ZNF407: variants seen among roughly 807,000 people sequenced by gnomAD.
ZNF407 encodes zinc finger protein 407.
In ZNF407, 17 loss-of-function variants were observed where a neutral mutation model predicts 131.2. The observed-to-expected ratio is 0.13, with a 90% confidence interval of 0.09 to 0.19. The LOEUF (loss-of-function observed/expected upper bound fraction) is 0.19. ZNF407 is among the 10% of genes least tolerant of loss of function. The probability of loss-of-function intolerance (pLI) is 1.00; values close to 1 mark genes in which losing one functional copy is unlikely to be tolerated. For missense variants in ZNF407, 2,681 were observed against 2,830.6 expected (o/e 0.95, Z 1.20); for synonymous variants, 1,156 against 1,062.0 (o/e 1.09, Z -1.72).
intron 3 of ZNF407, among the ~76,000 whole-genome samples, chr18:74,736,658 C>T (rs1968420445): frequency 1.3e-5 from 2 of 152,078 alleles, no homozygotes; most frequent in Non-Finnish European, 2.9e-5. Flanking sequence ...CAAAAACATG[C>T]CTGCCCAGGA....
Position 74,633,642 on chromosome 18 carries a change from C to T in ZNF407, c.2623C>T (p.His875Tyr). 1 of 1,613,950 alleles carries T rather than the reference C, an allele frequency of 6.2e-7. No homozygotes were observed. Among genetic ancestry groups the T allele is most frequent in the Non-Finnish European group, 8.5e-7 (1 of 1,179,884 alleles). ...TGTTCACATTAGACGAAAACACAGT[C>T]ACCAGTATAGTTATTTATGCAAAGT... ...LTVHIRRKHSHQYSYLCKVCK... is the reference protein window; with the variant it reads ...LTVHIRRKHSYQYSYLCKVCK... Residue 875 changes from histidine (H) to tyrosine (Y), a missense_variant, in exon 2 of 9, where the codon CAC becomes TAC. Transcript: ENST00000299687.
chr18:74,638,933 C>A (rs1035617896), intron 2 of ZNF407, among the ~76,000 whole-genome samples: 5 of 151,506 alleles, frequency 3.3e-5, no homozygotes, highest in Non-Finnish European at 5.9e-5. Flanking sequence ...TTCTTTAATG[C>A]GGAGAAGTAT....
At chr18:74,627,730 C>T (rs559633575) in intron 1 of ZNF407, among the ~76,000 whole-genome samples, 21 of 152,148 alleles carry the variant, frequency 1.4e-4, no homozygotes, top group South Asian at 6.2e-4. Flanking sequence ...GCTTGTGTAC[C>T]GAGAAATCCT....
intron 4 of ZNF407, among the ~76,000 whole-genome samples, chr18:74,844,860 C>T (rs1457095072): frequency 6.6e-6 from 1 of 152,132 alleles, no homozygotes; most frequent in African/African-American, 2.4e-5. Context: ...TTAAACTCAT[C>T]CTTGATGCGT....
At chr18:74,802,471 G>A (rs902286225) in intron 4 of ZNF407, among the ~76,000 whole-genome samples, 64 of 152,226 alleles carry the variant, frequency 4.2e-4, no homozygotes, top group African/African-American at 1.0e-3. Flanking sequence ...GCTCACAACC[G>A]ACAATGTGTG....
At chr18:74,928,302 C>G (rs975754391) in intron 8 of ZNF407, among the ~76,000 whole-genome samples, 1 of 152,160 alleles carries the variant, frequency 6.6e-6, no homozygotes, top group African/African-American at 2.4e-5. Context: ...TGCCTGAAGA[C>G]TTGAAGCCAG....
chr18:74,973,805 G>A (rs1382945664), intron 8 of ZNF407, among the ~76,000 whole-genome samples: 5 of 152,128 alleles, frequency 3.3e-5, no homozygotes, highest in Non-Finnish European at 7.4e-5. Context: ...GCTTGTGGCA[G>A]CGTAACTCCA....
At chr18:75,029,180 A>G (rs560060309) in intron 8 of ZNF407, among the ~76,000 whole-genome samples, 1 of 152,172 alleles carries the variant, frequency 6.6e-6, no homozygotes, top group Non-Finnish European at 1.5e-5. Flanking sequence ...TTGTTTGTTC[A>G]TACACAGACG....
intron 8 of ZNF407, among the ~76,000 whole-genome samples, chr18:74,983,038 T>C (rs559046557): frequency 1.3e-4 from 20 of 152,324 alleles, no homozygotes; most frequent in African/African-American, 4.8e-4. Flanking sequence ...ACCAAGAACA[T>C]GATGTTTTTC....
chr18:74,998,716 G>A (rs1287782460), intron 8 of ZNF407, among the ~76,000 whole-genome samples: 1 of 125,844 alleles, frequency 7.9e-6, no homozygotes, highest in Non-Finnish European at 1.6e-5. Context: ...TGGAGAGGAT[G>A]CGGAGAAATA....
intron 4 of ZNF407, among the ~76,000 whole-genome samples, chr18:74,871,205 A>T (rs554232136): frequency 6.6e-6 from 1 of 152,280 alleles, no homozygotes; most frequent in East Asian, 1.9e-4. Flanking sequence ...TTCTTCACAG[A>T]AGTGATTGTT....
intron 8 of ZNF407, among the ~76,000 whole-genome samples, chr18:74,986,892 T>A (rs9950671): frequency 0.17 from 25,580 of 152,218 alleles, 2,362 homozygotes; most frequent in Admixed American, 0.28. Context: ...GGAGATTTTT[T>A]AAAATGTATT....
At chr18:74,996,606 G>A (rs1200135747) in intron 8 of ZNF407, among the ~76,000 whole-genome samples, 8 of 152,188 alleles carry the variant, frequency 5.3e-5, no homozygotes, top group Non-Finnish European at 1.0e-4. Flanking sequence ...TTCGAATATG[G>A]GATGTAGAAT....
At chr18:74,763,011 C>CAG (rs955712765) in intron 3 of ZNF407, among the ~76,000 whole-genome samples, 1 of 151,882 alleles carries the variant, frequency 6.6e-6, no homozygotes, top group African/African-American at 2.4e-5. Flanking sequence ...AAGGTTTTAC[C>CAG]AGAGAATAGT....
At chr18:74,855,655 C>T (rs959500369) in intron 4 of ZNF407, among the ~76,000 whole-genome samples, 3 of 152,244 alleles carry the variant, frequency 2.0e-5, no homozygotes, top group African/African-American at 7.2e-5. Flanking sequence ...TGTACATTTC[C>T]ACCATAAGAT....
intron 8 of ZNF407, among the ~76,000 whole-genome samples, chr18:74,941,460 G>A (rs1229552521): frequency 2.0e-5 from 3 of 152,260 alleles, no homozygotes; most frequent in East Asian, 1.9e-4. Context: ...TTTTCTCACC[G>A]ATGGTTCATT....
At chr18:74,916,490 G>T (rs1971766385) in intron 7 of ZNF407, among the ~76,000 whole-genome samples, 1 of 137,888 alleles carries the variant, frequency 7.3e-6, no homozygotes. Flanking sequence ...GAGTGTGTGT[G>T]TGTGTGCGTG....
chr18:75,021,942 A>C (rs1216698751), intron 8 of ZNF407, among the ~76,000 whole-genome samples: 1 of 151,914 alleles, frequency 6.6e-6, no homozygotes, highest in Admixed American at 6.6e-5. Flanking sequence ...CAACACATTA[A>C]AATTTTATAT....
chr18:75,062,314 G>A (rs1000834135), intron 8 of ZNF407: 1 of 152,148 alleles, frequency 6.6e-6, no homozygotes, highest in East Asian at 1.9e-4. Context: ...ACCTTATGTT[G>A]TATCCAAGAC....
Sources: gnomAD v4.1 joint callset for allele counts (sites outside exome capture counted in the v4.1 genomes callset) on GRCh38, gnomAD v4.1.1 for gene constraint, MANE v1.5 for transcripts, NCBI Gene and HGNC (gene_info 2026-07-23, HGNC 2026-07-21) for gene names.